Variants in SPATA4 observed in about 807,000 individuals in gnomAD.
The protein encoded by SPATA4 is spermatogenesis associated 4, also known as spermatogenesis-associated protein 4.
A neutral mutation model predicts 31.8 loss-of-function variants in SPATA4; 35 were observed. The ratio of observed to expected loss-of-function variants is 1.10; its 90% CI spans 0.84 to 1.46. SPATA4 has a LOEUF of 1.46. Ranked by LOEUF, SPATA4 falls within the 40% of genes most tolerant of loss-of-function variation. The pLI is 0.00. For synonymous variants in SPATA4, 126 were observed against 132.4 expected (o/e 0.95, Z 0.33); for missense variants, 394 against 363.1 (o/e 1.09, Z -0.69).
intron 3 of SPATA4, 50 bp from the exon 4 acceptor site, chr4:176,192,897 G>GT: frequency 6.3e-7 from 1 of 1,586,392 alleles, no homozygotes; most frequent in Non-Finnish European, 8.6e-7. Context: ...TTAGCAATGA[G>GT]TTTTATATTA....
chr4:176,191,511 GTTCTAT>G (rs1243073522), intron 4 of SPATA4, among the ~76,000 whole-genome samples: 2 of 152,178 alleles, frequency 1.3e-5, no homozygotes, highest in African/African-American at 4.8e-5. Flanking sequence ...CATTAGTAAT[GTTCTAT>G]TTCTTAACCT....
intron 4 of SPATA4, among the ~76,000 whole-genome samples, chr4:176,188,964 A>C (rs1234527948): frequency 6.6e-6 from 1 of 152,196 alleles, no homozygotes; most frequent in Non-Finnish European, 1.5e-5. Context: ...TATCACAATT[A>C]ATTACTTTGG....
Position 176,192,698 on chromosome 4 carries a change from T to C in SPATA4, c.617A>G (p.Asn206Ser). The C allele has an allele frequency of 6.2e-7, 1 of 1,614,158 alleles. No homozygotes were observed. The highest frequency in any genetic ancestry group is 8.5e-7 in the Non-Finnish European group (1 of 1,180,006). ...GATGAGGAACTCCGCTTTAAGTTCA[T>C]TGGTCAGCATGTTGGGATTGCTTAG... ...ELLSNPNMLTNELKAEFLILL... is the reference protein window; with the variant it reads ...ELLSNPNMLTSELKAEFLILL... Residue 206 changes from asparagine (N) to serine (S), a missense_variant, in exon 4 of 6, where the codon AAT (asparagine) becomes AGT (serine). Physicochemically the swap from Asn to Ser is conservative, Grantham distance 46. Transcript: ENST00000280191.
chr4:176,189,240 G>A (rs2126922560), intron 4 of SPATA4, among the ~76,000 whole-genome samples: 1 of 152,254 alleles, frequency 6.6e-6, no homozygotes, highest in South Asian at 2.1e-4. Flanking sequence ...TGGCAGCGAG[G>A]GATCAGTGTC....
chr4:176,195,321 C>G (rs773056129), intron 1 of SPATA4, 24 bp downstream of exon 1: 13 of 1,612,544 alleles, frequency 8.1e-6, no homozygotes, highest in African/African-American at 6.7e-5. Context: ...ACCGGGGGGG[C>G]CTAGGACTGG....
At chr4:176,187,730 A>G (rs2126921755) in intron 5 of SPATA4, among the ~76,000 whole-genome samples, 1 of 152,356 alleles carries the variant, frequency 6.6e-6, no homozygotes, top group East Asian at 1.9e-4. Flanking sequence ...ACAGGGTTTA[A>G]TCAAGTGACT....
In SPATA4 at chr4:176,184,726, A is replaced by G; in HGVS notation, c.*54T>C. ...CAATACTAGGTGATTCTGTTTCTTT[A>G]TTATGGCTAGAGATGGTGGCATCAC... On this transcript the variant is annotated 3_prime_UTR_variant, in exon 6 of 6. Coordinates refer to ENST00000280191, the MANE Select transcript of SPATA4 (RefSeq NM_144644.4). 1.4e-5 allele frequency: 14 copies of G among 1,028,106 alleles called. No homozygotes were observed. Among genetic ancestry groups the G allele is most frequent in the Non-Finnish European group, 2.0e-5 (14 of 704,384 alleles). 63.7% of individuals were successfully genotyped at this position (1,028,106 alleles called of 1,614,324 possible).
chr4:176,192,631 A>C lies in SPATA4; in HGVS notation c.684T>G (p.Asn228Lys), dbSNP rs549173916. Residue 228 changes from asparagine to lysine, a missense_variant, in exon 4 of 6, where the codon AAT becomes AAG. By Grantham distance (94) the Asn-to-Lys change is moderately conservative (BLOSUM62 0). Coordinates refer to ENST00000280191, the MANE Select transcript of SPATA4 (RefSeq NM_144644.4). ...CTGTTTCAAAGGAAAACTTACCTGG[A>C]TTCAATTTTCTGCCTAATTTTCTTT... ...MLQRKLGRKLNPEWFDVKPTV... is the reference protein window; with the variant it reads ...MLQRKLGRKLKPEWFDVKPTV... 390 of 1,613,708 alleles carry C rather than the reference A, an allele frequency of 2.4e-4. 5 individuals are homozygous for C. The South Asian group carries it at 4.2e-3, about 17-fold the overall frequency.
intron 4 of SPATA4, among the ~76,000 whole-genome samples, chr4:176,188,788 A>G (rs903770076): frequency 3.9e-5 from 6 of 152,220 alleles, no homozygotes; most frequent in Non-Finnish European, 5.9e-5. Flanking sequence ...AATCCTGTAA[A>G]CTGAAATACT....
chr4:176,189,972 G>A (rs1404773574), intron 4 of SPATA4, among the ~76,000 whole-genome samples: 2 of 152,284 alleles, frequency 1.3e-5, no homozygotes, highest in African/African-American at 2.4e-5. Context: ...GGGGGTGCAC[G>A]TGAGAGGGTC....
rs369381572 is a variant in SPATA4 at position 176,188,071 on chromosome 4, G to C, written c.805+48C>G. ...TTTTTTAAAACTTTAATTGAAGAAA[G>C]TCAAGCAAAAAAAAATCAATTTTAA... On this transcript the variant is annotated intron_variant, in intron 5 of 5. Coordinates refer to ENST00000280191, the MANE Select transcript of SPATA4 (RefSeq NM_144644.4). The C allele has an allele frequency of 9.4e-6, 13 of 1,378,640 alleles. No individual in the cohort carries two copies. The East Asian group carries it at 2.5e-4, about 27-fold the overall frequency. The allele number at this position is 1,378,640 out of a possible 1,614,324, so 85.4% of individuals were successfully genotyped here.
Position 176,195,536 on chromosome 4 carries a change from C to T in SPATA4, c.27G>A (p.Gly9=), listed in dbSNP as rs1752606954. Residue 9 remains glycine, a synonymous_variant, in exon 1 of 6, where the codon GGG becomes GGA. Coordinates refer to ENST00000280191, the MANE Select transcript of SPATA4 (RefSeq NM_144644.4). ...GGGCTGCCGCAGTCTGTGTCAAATA[C>T]CCTTTTTCCTGGCCGGCGGCAGCCA... The part of the protein sequence containing the change: MAAAGQEK[G]YLTQTAAALD... 6.2e-7 allele frequency: 1 copy of T among 1,614,082 alleles called. No individual in the cohort carries two copies. The highest frequency in any genetic ancestry group is 8.5e-7 in the Non-Finnish European group (1 of 1,180,040).
chr4:176,194,020 C>G (rs1024160444), intron 1 of SPATA4: 2 of 159,664 alleles, frequency 1.3e-5, no homozygotes, highest in Non-Finnish European at 2.7e-5. Context: ...AAATTGTACT[C>G]TGTTCTGGGC....
Position 176,195,344 on chromosome 4 carries a change from C to G in SPATA4, c.218+1G>C. ...GGCCTAGGACTGGCTTACTCAAGCA[C>G]CTGTTGATGTTCCTGGGGAAGAAGC... On this transcript the variant is annotated splice_donor_variant, in intron 1 of 5. Coordinates refer to ENST00000280191, the MANE Select transcript of SPATA4 (RefSeq NM_144644.4). LOFTEE classifies it high-confidence loss of function. The G allele has an allele frequency of 6.2e-7, 1 of 1,614,036 alleles. No individual in the cohort carries two copies. The highest frequency in any genetic ancestry group is 8.5e-7 in the Non-Finnish European group (1 of 1,180,006).
chr4:176,192,567 G>T, intron 4 of SPATA4, 60 bp downstream of exon 4: 1 of 1,423,298 alleles, frequency 7.0e-7, no homozygotes, highest in Non-Finnish European at 9.9e-7. Flanking sequence ...TCTTTCATCT[G>T]TGCTCAAGAA....
Position 176,188,224 on chromosome 4 carries a change from C to G in SPATA4, c.700G>C (p.Val234Leu), listed in dbSNP as rs1752476067. 1 of 1,603,994 alleles carries G rather than the reference C, an allele frequency of 6.2e-7. No individual in the cohort carries two copies. ...GRKLNPEWFD[V>L]KPTVGEVTLN... ...GTAACTTCTCCCACTGTTGGTTTCA[C>G]ATCAAACCATTCTATAAAATATGAA... is the stretch of plus-strand genomic sequence containing the variant. The change falls in exon 5 of 6, where the codon GTG (valine) becomes CTG (leucine). Residue 234 changes from valine to leucine, a missense_variant. By Grantham distance (32) the Val-to-Leu change is conservative. Transcript: ENST00000280191.
chr4:176,184,953 C>A, intron 5 of SPATA4, 61 bp from the exon 6 acceptor site: 1 of 980,422 alleles, frequency 1.0e-6, no homozygotes, highest in Non-Finnish European at 1.6e-6. Context: ...TTCATACAAG[C>A]ATCAACATGT....
chr4:176,193,516 T>G lies in SPATA4; in HGVS notation c.285A>C (p.Leu95Phe). ...FCIYYPWELE[L>F]SSFENGTSLK... ...AAGAGGTCCCGTTTTCAAAGGATGA[T>G]AATTCAAGTTCCCAGGGGTAATATA... is the stretch of plus-strand genomic sequence containing the variant. The change falls in exon 2 of 6, where the codon TTA (leucine) becomes TTC (phenylalanine). Residue 95 changes from leucine to phenylalanine, a missense_variant. Transcript: ENST00000280191. The G allele has an allele frequency of 2.5e-6, 4 of 1,613,814 alleles. No individual in the cohort carries two copies. Among genetic ancestry groups the G allele is most frequent in the Non-Finnish European group, 3.4e-6 (4 of 1,179,936 alleles).
At chr4:176,185,110 A>G (rs1364395165) in intron 5 of SPATA4, among the ~76,000 whole-genome samples, 1 of 152,202 alleles carries the variant, frequency 6.6e-6, no homozygotes, top group Non-Finnish European at 1.5e-5. Context: ...AAAAGTCATC[A>G]GCCTAAAAAT....
Sources: gnomAD v4.1 joint callset for allele counts (sites outside exome capture counted in the v4.1 genomes callset) on GRCh38, gnomAD v4.1.1 for gene constraint, MANE v1.5 for transcripts, NCBI Gene and HGNC (gene_info 2026-07-23, HGNC 2026-07-21) for gene names.